The following ACP3 variants were observed in gnomAD, a reference collection of about 807,000 sequenced individuals.
ACP3 encodes the protein prostatic acid phosphatase.
A neutral mutation model predicts 45.6 loss-of-function variants in ACP3; 38 were observed. The observed-to-expected ratio is 0.83, with a 90% CI of 0.64 to 1.09. ACP3 has a LOEUF of 1.09. Ranked by LOEUF, ACP3 falls within the 50% of genes least tolerant of loss-of-function variation. The pLI, the probability that ACP3 is intolerant of heterozygous loss-of-function variation, is 0.00. For missense variants in ACP3, 466 were observed against 463.2 expected, an observed-to-expected ratio of 1.01 and a Z score of -0.05; for synonymous variants, 162 against 164.7, an observed-to-expected ratio of 0.98 and a Z score of 0.13.
At chr3:132,349,192 T>C (rs1937661874) in intron 7 of ACP3, among the ~76,000 whole-genome samples, 2 of 152,174 alleles carry the variant, frequency 1.3e-5, no homozygotes, top group South Asian at 4.1e-4. Flanking sequence ...GGATAAATAC[T>C]GTAAGCTCTA....
intron 3 of ACP3, 98 bp downstream of exon 3, chr3:132,331,831 T>TA: frequency 9.0e-7 from 1 of 1,105,396 alleles, no homozygotes; most frequent in Non-Finnish European, 1.3e-6. Context: ...AAGGAACTTA[T>TA]ACAAGTCAGA....
At chr3:132,353,367 T>C (rs7625510) in intron 9 of ACP3, among the ~76,000 whole-genome samples, 71,969 of 151,616 alleles carry the variant, frequency 0.47, 17,810 homozygotes, top group Middle Eastern at 0.65. Flanking sequence ...AATTGACCCA[T>C]GAAATCTGGT....
At chr3:132,364,746 C>T (rs1274299150) in intron 10 of ACP3, among the ~76,000 whole-genome samples, 1 of 152,138 alleles carries the variant, frequency 6.6e-6, no homozygotes, top group Non-Finnish European at 1.5e-5. Flanking sequence ...TGTGTGCTCA[C>T]CACATGTCTA....
At chr3:132,354,573 G>A (rs185769825) in intron 9 of ACP3, among the ~76,000 whole-genome samples, 137 of 152,250 alleles carry the variant, frequency 9.0e-4, no homozygotes, top group Non-Finnish European at 1.7e-3. Context: ...TCGAGTTAAC[G>A]AATTCTGTCT....
intron 4 of ACP3, among the ~76,000 whole-genome samples, chr3:132,335,855 T>C (rs1247590143): frequency 1.3e-5 from 2 of 152,198 alleles, no homozygotes; most frequent in African/African-American, 4.8e-5. Flanking sequence ...CTTGATGTAG[T>C]CTGTGTGGTG....
chr3:132,352,984 T>G (rs538534594), intron 9 of ACP3, among the ~76,000 whole-genome samples, 161 bp downstream of exon 9: 78 of 152,326 alleles, frequency 5.1e-4, no homozygotes, highest in Middle Eastern at 6.8e-3. Flanking sequence ...GTCTCTTTTT[T>G]CTTTTTCATG....
At chr3:132,344,637 G>A (rs942362230) in intron 6 of ACP3, among the ~76,000 whole-genome samples, 2 of 152,152 alleles carry the variant, frequency 1.3e-5, no homozygotes, top group African/African-American at 4.8e-5. Flanking sequence ...ATAAAGGAAT[G>A]AGGTATTATT....
intron 10 of ACP3, among the ~76,000 whole-genome samples, chr3:132,367,403 C>T (rs541294422): frequency 3.3e-5 from 5 of 152,130 alleles, no homozygotes; most frequent in Admixed American, 6.5e-5. Context: ...GGTAATATAA[C>T]TGTAAAAAAT....
chr3:132,364,265 C>T (rs1938093652), intron 10 of ACP3, among the ~76,000 whole-genome samples: 1 of 152,078 alleles, frequency 6.6e-6, no homozygotes, highest in South Asian at 2.1e-4. Flanking sequence ...GGAGGATCAC[C>T]CGGGCTTAGG....
chr3:132,328,232 C>T (rs375142881), intron 1 of ACP3, 35 bp from the exon 2 acceptor site: 39 of 1,526,660 alleles, frequency 2.6e-5, no homozygotes, highest in Admixed American at 1.2e-4. Flanking sequence ...ACCCAAGTGA[C>T]GTTTGTAACA....
chr3:132,341,827 T>C (rs1937556184), intron 5 of ACP3, among the ~76,000 whole-genome samples: 1 of 152,192 alleles, frequency 6.6e-6, no homozygotes, highest in African/African-American at 2.4e-5. Context: ...TATTGGCAAA[T>C]TGTAGTTCCC....
At position 132,317,471 on chromosome 3, in the gene ACP3, C is replaced by G. The variant is rs373932013; in HGVS notation, c.15C>G (p.Pro5=). The G allele has an allele frequency of 6.2e-7, 1 of 1,613,160 alleles. No homozygotes were observed. Among genetic ancestry groups the G allele is most frequent in the African/African-American group, 1.3e-5 (1 of 74,908 alleles). MRAA[P]LLLARAASLS... is the part of the protein sequence containing the mutation. ...CTCTCCTCAACATGAGAGCTGCACCCCTCCTCCTGGCCAGGGCAGCAAGCC... is the reference window on the plus strand; with the variant it reads ...CTCTCCTCAACATGAGAGCTGCACCGCTCCTCCTGGCCAGGGCAGCAAGCC... The change falls in exon 1 of 10, where the codon CCC becomes CCG. Residue 5 remains proline, a synonymous_variant. Transcript: ENST00000336375.
intron 4 of ACP3, among the ~76,000 whole-genome samples, chr3:132,336,671 A>G (rs6439355): frequency 6.6e-6 from 1 of 152,242 alleles, no homozygotes; most frequent in African/African-American, 2.4e-5. Flanking sequence ...TCCTAAGCCT[A>G]TGCCTTCAGG....
In ACP3 at chr3:132,332,300, T is replaced by C. The variant is rs1317802625; in HGVS notation, c.412T>C (p.Trp138Arg). The C allele has an allele frequency of 1.2e-6, 2 of 1,614,140 alleles. No individual in the cohort carries two copies. Among genetic ancestry groups the C allele is most frequent in the East Asian group, 2.2e-5 (1 of 44,884 alleles). Reference protein sequence around the residue: ...GVSIWNPILLWQPIPVHTVPL... With the variant: ...GVSIWNPILLRQPIPVHTVPL... ...CAGCATCTGGAATCCTATCCTACTC[T>C]GGCAGCCCATCCCGGTGCACACAGT... The change falls in exon 4 of 10, where the codon TGG (tryptophan) becomes CGG (arginine). Residue 138 changes from tryptophan to arginine, a missense_variant. Trp to Arg is a moderately radical substitution (Grantham distance 101, BLOSUM62 -3). Coordinates refer to ENST00000336375, the MANE Select transcript of ACP3 (RefSeq NM_001099.5).
Position 132,317,486 on chromosome 3 carries a change from G to A in ACP3, c.30G>A (p.Arg10=), listed in dbSNP as rs1937129913. The part of the protein sequence containing the change: MRAAPLLLA[R]AASLSLGFLF... Reference sequence around the variant, plus strand: ...GAGCTGCACCCCTCCTCCTGGCCAGGGCAGCAAGCCTTAGCCTTGGCTTCT... The same window carrying A: ...GAGCTGCACCCCTCCTCCTGGCCAGAGCAGCAAGCCTTAGCCTTGGCTTCT... Residue 10 remains arginine (R), a synonymous_variant, in exon 1 of 10, where the codon AGG becomes AGA. Coordinates refer to ENST00000336375, the MANE Select transcript of ACP3 (RefSeq NM_001099.5). The A allele has an allele frequency of 1.1e-5, 18 of 1,613,378 alleles. No individual in the cohort carries two copies. Among genetic ancestry groups the A allele is most frequent in the Non-Finnish European group, 1.5e-5 (18 of 1,179,698 alleles).
At chr3:132,353,750 T>C (rs1937814385) in intron 9 of ACP3, among the ~76,000 whole-genome samples, 1 of 152,238 alleles carries the variant, frequency 6.6e-6, no homozygotes, top group Admixed American at 6.5e-5. Context: ...GCTGTGGCCA[T>C]CTTTAAATTG....
chr3:132,320,047 A>G (rs750433999), intron 1 of ACP3, among the ~76,000 whole-genome samples: 143 of 152,334 alleles, frequency 9.4e-4, no homozygotes, highest in Admixed American at 2.1e-3. Context: ...TACATGGGGA[A>G]AAAATCAGTT....
rs545774965 is a variant in ACP3, at chr3:132,328,510, C to T, written c.216+148C>T. 13 of 530,276 alleles carry T rather than the reference C, an allele frequency of 2.5e-5. No individual in the cohort carries two copies. In the Admixed American group the frequency reaches 4.1e-4, roughly 17 times the overall value. The allele number at this position is 530,276 out of a possible 1,614,324, so 32.8% of individuals were successfully genotyped here. Reference sequence around the variant, plus strand: ...CCTGGCCAACGTGGTGAAACCCTCTCTCTACTAAAAATACAAAAATTAGCC... The same window carrying T: ...CCTGGCCAACGTGGTGAAACCCTCTTTCTACTAAAAATACAAAAATTAGCC... On this transcript the variant is annotated intron_variant, in intron 2 of 9. Coordinates refer to ENST00000336375, the MANE Select transcript of ACP3 (RefSeq NM_001099.5).
rs560614763 is a variant in ACP3 at position 132,317,862 on chromosome 3, T to C, written c.120+286T>C. 2.0e-4 allele frequency among the ~76,000 whole-genome samples: 30 copies of C among 152,372 alleles called. No homozygotes were observed. In the South Asian group the frequency reaches 6.0e-3, roughly 31 times the overall value. ...TACAACTGCCTTGAATTCAGATTCC[T>C]TTTGACAGCCACACCAGTCCAGAAG... is the stretch of plus-strand genomic sequence containing the variant. On this transcript the variant is annotated intron_variant, in intron 1 of 9. Coordinates refer to ENST00000336375, the MANE Select transcript of ACP3 (RefSeq NM_001099.5).
Sources: gnomAD v4.1 joint callset for allele counts (sites outside exome capture counted in the v4.1 genomes callset) on GRCh38, gnomAD v4.1.1 for gene constraint, MANE v1.5 for transcripts, NCBI Gene and HGNC (gene_info 2026-07-23, HGNC 2026-07-21) for gene names.